The following SPRY3 variants were observed in gnomAD, a reference collection of about 807,000 sequenced individuals.
SPRY3 encodes the protein sprouty RTK signaling antagonist 3.
Under a neutral mutation model 20.2 loss-of-function variants are expected in SPRY3, and 15 were observed. That is an observed-to-expected ratio of 0.74 (90% CI 0.50 to 1.14). The LOEUF is 1.14. Ranked by LOEUF, SPRY3 falls within the 50% of genes most tolerant of loss-of-function variation. SPRY3 has a pLI of 0.00. For missense variants in SPRY3, 364 were observed against 363.9 expected (o/e 1.00, Z 0.00); for synonymous variants, 143 against 136.5 (o/e 1.05, Z -0.33).
intron 2 of SPRY3, among the ~76,000 whole-genome samples, chrX:155,745,151 A>C (rs1003237999): frequency 2.6e-5 from 4 of 152,056 alleles, no homozygotes; most frequent in African/African-American, 9.7e-5. Flanking sequence ...AAGCTTGAGA[A>C]ACTTATCCCA....
intron 1 of SPRY3, among the ~76,000 whole-genome samples, chrX:155,615,629 A>G (rs1358900900): frequency 8.0e-5 from 9 of 112,111 alleles, no homozygotes; most frequent in Non-Finnish European, 1.7e-4. Flanking sequence ...CCTGCTAGGT[A>G]TTCTATAGAG....
chrX:155,730,509 A>G lies in SPRY3; in HGVS notation c.-281-37453A>G, dbSNP rs748528301. ...CATCGCTTCATTATAAAATCCCTTT[A>G]AAAACTGGATATATAGATGGAACAT... On this transcript the variant is annotated intron_variant, in intron 2 of 3. Transcript: ENST00000675360. Among the ~76,000 whole-genome samples the G allele has an allele frequency of 2.0e-5, 3 of 152,284 alleles. No individual in the cohort carries two copies. The East Asian group carries it at 5.8e-4, about 29-fold the overall frequency.
intron 2 of SPRY3, among the ~76,000 whole-genome samples, chrX:155,741,336 A>G (rs1207040123): frequency 6.6e-6 from 1 of 152,200 alleles, no homozygotes; most frequent in East Asian, 1.9e-4. Context: ...AAAACCTCCA[A>G]GAACTATGGG....
chrX:155,751,238 G>T (rs897818137), intron 2 of SPRY3, among the ~76,000 whole-genome samples: 1 of 151,834 alleles, frequency 6.6e-6, no homozygotes, highest in African/African-American at 2.4e-5. Flanking sequence ...CCAAGCTTGA[G>T]GTTCAGCTTC....
At chrX:155,695,801 TTC>T (rs1318018170) in intron 2 of SPRY3, among the ~76,000 whole-genome samples, 3 of 111,484 alleles carry the variant, frequency 2.7e-5, no homozygotes, top group Admixed American at 9.6e-5. Flanking sequence ...CTCCAAAATT[TTC>T]TTTTTTGTGT....
At chrX:155,659,392 G>A (rs782295590) in intron 2 of SPRY3, among the ~76,000 whole-genome samples, 4 of 110,133 alleles carry the variant, frequency 3.6e-5, no homozygotes, top group Admixed American at 9.7e-5. Context: ...TGATCCGCCC[G>A]CCTTGGCCTC....
At chrX:155,707,204 G>T (rs1414849913) in intron 2 of SPRY3, among the ~76,000 whole-genome samples, 2 of 151,234 alleles carry the variant, frequency 1.3e-5, no homozygotes, top group African/African-American at 4.8e-5. Flanking sequence ...TTTTCCTCCA[G>T]TTAAAATGCA....
intron 2 of SPRY3, among the ~76,000 whole-genome samples, chrX:155,722,130 T>C (rs1202899663): frequency 6.6e-6 from 1 of 152,216 alleles, no homozygotes; most frequent in East Asian, 1.9e-4. Context: ...ATTTATACAA[T>C]AGTGTTTAGT....
intron 3 of SPRY3, among the ~76,000 whole-genome samples, chrX:155,772,267 C>G (rs2091385501): frequency 6.6e-6 from 1 of 152,110 alleles, no homozygotes; most frequent in South Asian, 2.1e-4. Context: ...AGGATATAGC[C>G]TCAAAAGTCA....
At position 155,715,273 on chromosome X, in the gene SPRY3, CT is replaced by C. The variant is rs768757814; in HGVS notation, c.-281-52684del. 1.5e-4 allele frequency among the ~76,000 whole-genome samples: 23 copies of C among 152,214 alleles called. No homozygotes were observed. The East Asian group carries it at 3.7e-3, about 24-fold the overall frequency. On this transcript the variant is annotated intron_variant, in intron 2 of 3. Coordinates refer to ENST00000675360, the Ensembl canonical transcript of SPRY3. ...CTGGTGGTTGTTCGTGGCCCAAGGGCTTTTTAGTCAGCAGGTGATAAATCCT... is the reference window on the plus strand; with the variant it reads ...CTGGTGGTTGTTCGTGGCCCAAGGGCTTTTAGTCAGCAGGTGATAAATCCT...
intron 1 of SPRY3, among the ~76,000 whole-genome samples, chrX:155,614,681 G>A (rs782649281): frequency 3.1e-4 from 34 of 110,826 alleles, no homozygotes; most frequent in Middle Eastern, 4.7e-3. Flanking sequence ...ACTCTAGGGA[G>A]CCTGGATATT....
At chrX:155,749,896 G>C (rs746456705) in intron 2 of SPRY3, among the ~76,000 whole-genome samples, 1 of 151,870 alleles carries the variant, frequency 6.6e-6, no homozygotes, top group East Asian at 1.9e-4. Context: ...CATTATTCTG[G>C]AGTTCAGAGG....
At chrX:155,652,234 T>A (rs1371015857) in intron 1 of SPRY3, among the ~76,000 whole-genome samples, 1 of 112,125 alleles carries the variant, frequency 8.9e-6, no homozygotes, top group Non-Finnish European at 1.9e-5. Flanking sequence ...CATATCAGTG[T>A]TATAAACAAT....
intron 3 of SPRY3, among the ~76,000 whole-genome samples, chrX:155,770,578 C>T (rs1473704374): frequency 6.6e-6 from 1 of 151,920 alleles, no homozygotes; most frequent in Non-Finnish European, 1.5e-5. Context: ...AATGTGCAGC[C>T]AAGACCTGTA....
intron 2 of SPRY3, among the ~76,000 whole-genome samples, chrX:155,742,138 G>A (rs1393377602): frequency 6.6e-6 from 1 of 152,104 alleles, no homozygotes; most frequent in Non-Finnish European, 1.5e-5. Context: ...ACGAAATAAA[G>A]GGATGGAGGA....
chrX:155,644,961 C>G (rs889074814), intron 1 of SPRY3, among the ~76,000 whole-genome samples: 14 of 111,183 alleles, frequency 1.3e-4, no homozygotes, highest in African/African-American at 4.6e-4. Context: ...ACTTGAAGCC[C>G]ACAAGTCTCA....
intron 1 of SPRY3, among the ~76,000 whole-genome samples, chrX:155,630,030 T>C (rs1357287757): frequency 8.9e-6 from 1 of 112,028 alleles, no homozygotes; most frequent in African/African-American, 3.2e-5. Flanking sequence ...AAAAACATCA[T>C]ATAGTTATAA....
At chrX:155,665,919 A>G (rs1049157838) in intron 2 of SPRY3, among the ~76,000 whole-genome samples, 5 of 112,454 alleles carry the variant, frequency 4.4e-5, no homozygotes, top group African/African-American at 1.6e-4. Context: ...GAAATATTTC[A>G]TAATTACAAT....
chrX:155,697,361 C>T (rs1377051736), intron 2 of SPRY3, among the ~76,000 whole-genome samples: 2 of 110,053 alleles, frequency 1.8e-5, no homozygotes, highest in African/African-American at 6.7e-5. Context: ...CTCCTTTCTC[C>T]TGGTTCTCAG....
Sources: allele counts gnomAD v4.1 joint callset (sites outside exome capture counted in the v4.1 genomes callset), GRCh38; gene constraint gnomAD v4.1.1; transcripts MANE v1.5; gene names NCBI Gene and HGNC (gene_info 2026-07-23, HGNC 2026-07-21).